Variants in MYO15A observed in about 807,000 individuals in gnomAD.
MYO15A encodes the protein myosin XVA, also known as unconventional myosin-XV.
In MYO15A, 308 loss-of-function variants were observed where a neutral mutation model predicts 394.6. That is an observed-to-expected ratio of 0.78 (90% confidence interval 0.71 to 0.86). MYO15A has a LOEUF of 0.86. Ranked by LOEUF, MYO15A falls within the 40% of genes least tolerant of loss-of-function variation. The probability of loss-of-function intolerance (pLI) is 0.00; values close to 1 mark genes in which losing one functional copy is unlikely to be tolerated. For synonymous variants in MYO15A, 1,957 were observed against 2,003.8 expected (o/e 0.98, Z 0.62); for missense variants, 4,606 against 4,799.1 (o/e 0.96, Z 1.19).
In MYO15A at chr17:18,119,948, G is replaced by GCGT; in HGVS notation, c.1150_1152dup (p.Val384dup). 6.2e-7 allele frequency: 1 copy of GCGT among 1,613,698 alleles called. No homozygotes were observed. The highest frequency in any genetic ancestry group is 8.5e-7 in the Non-Finnish European group (1 of 1,180,010). ...CACTACACCGTCCCCTATGCCGAAG[G>GCGT]CGTCTATGGCGGTGGGGACGAGGCC... On this transcript the variant is annotated inframe_insertion, in exon 2 of 66. Coordinates refer to ENST00000647165, the MANE Select transcript of MYO15A (RefSeq NM_016239.4).
In MYO15A at chr17:18,119,575, C is replaced by A; in HGVS notation, c.775C>A (p.Pro259Thr). 6.2e-7 allele frequency: 1 copy of A among 1,605,920 alleles called. No homozygotes were observed. Among genetic ancestry groups the A allele is most frequent in the Non-Finnish European group, 8.5e-7 (1 of 1,179,948 alleles). Residue 259 changes from proline to threonine, a missense_variant, in exon 2 of 66, where the codon CCC becomes ACC. Transcript: ENST00000647165. ...QSLHRYEEQE[P>T]YLAGLGPYSP... is the part of the protein sequence containing the mutation. ...ACTCCACCGCTACGAGGAGCAGGAACCCTACCTGGCGGGCCTCGGCCCCTA... is the reference window on the plus strand; with the variant it reads ...ACTCCACCGCTACGAGGAGCAGGAAACCTACCTGGCGGGCCTCGGCCCCTA...
intron 1 of MYO15A, among the ~76,000 whole-genome samples, chr17:18,112,409 C>T (rs2955364): frequency 6.6e-6 from 1 of 151,472 alleles, no homozygotes; most frequent in Admixed American, 6.6e-5. Context: ...TTTGGGGGGT[C>T]GTGGGGGACA....
Position 18,144,539 on chromosome 17 carries a change from C to T in MYO15A, c.6220C>T (p.Leu2074Phe), listed in dbSNP as rs752182793. ...GCTGACAGTGCCCCTGAGGACACCC[C>T]TCACGCAGCTGCCAGCCGAGCACCA... ...GMLTVPLRTP[L>F]TQLPAEHHAE... The change falls in exon 29 of 66, where the codon CTC becomes TTC. Residue 2074 changes from leucine (L) to phenylalanine (F), a missense_variant. Around this residue, in one of 2 missense-constraint regions of MYO15A, gnomAD observed 2,776 missense variants for 3,109.3 expected, o/e 0.89. Transcript: ENST00000647165. 3.7e-6 allele frequency: 6 copies of T among 1,613,268 alleles called. No individual in the cohort carries two copies. The highest frequency in any genetic ancestry group is 4.2e-6 in the Non-Finnish European group (5 of 1,180,042).
At chr17:18,146,299 G>C (rs1014368914) in intron 30 of MYO15A, among the ~76,000 whole-genome samples, 192 bp downstream of exon 30, 3 of 152,190 alleles carry the variant, frequency 2.0e-5, no homozygotes, top group African/African-American at 4.8e-5. Context: ...TTCACTGCAG[G>C]GGCTAGGAGT....
intron 62 of MYO15A, among the ~76,000 whole-genome samples, chr17:18,170,018 T>C (rs932107910): frequency 6.1e-5 from 9 of 148,206 alleles, no homozygotes; most frequent in African/African-American, 2.0e-4. Flanking sequence ...GAATTTTACA[T>C]GTTCAAAGCT....
Position 18,157,788 on chromosome 17 carries a change from C to A in MYO15A, c.8855C>A (p.Ala2952Asp). The stretch of plus-strand genomic sequence containing the variant: ...CCTTCGGAGCTGGTGCAGCCCGCTG[C>A]TGCCCCCGACTTCCTGCAGCTGCCA... ...RFPSELVQPA[A>D]APDFLQLPTE... The change falls in exon 51 of 66, where the codon GCT becomes GAT. Residue 2952 changes from alanine to aspartate, a missense_variant. By Grantham distance (126) the Ala-to-Asp change is moderately radical (BLOSUM62 -2). This residue lies in a region of MYO15A where 2,776 missense variants were observed against 3,109.3 expected (regional missense o/e 0.89). Coordinates refer to ENST00000647165, the MANE Select transcript of MYO15A (RefSeq NM_016239.4). The A allele has an allele frequency of 6.2e-7, 1 of 1,603,812 alleles. No individual in the cohort carries two copies. Among genetic ancestry groups the A allele is most frequent in the Non-Finnish European group, 8.5e-7 (1 of 1,179,432 alleles).
chr17:18,122,284 G>C lies in MYO15A; in HGVS notation c.3484G>C (p.Asp1162His), dbSNP rs778519450. 2 of 1,613,072 alleles carry C rather than the reference G, an allele frequency of 1.2e-6. No individual in the cohort carries two copies. Among genetic ancestry groups the C allele is most frequent in the Admixed American group, 3.3e-5 (2 of 60,028 alleles). The change falls in exon 2 of 66, where the codon GAT (aspartate) becomes CAT (histidine). Residue 1162 changes from aspartate to histidine, a missense_variant. Coordinates refer to ENST00000647165, the MANE Select transcript of MYO15A (RefSeq NM_016239.4). ...LRWSCLWLRA[D>H]AYGPWPRVHT... is the part of the protein sequence containing the mutation. ...CTGGTCCTGCCTCTGGCTTCGGGCA[G>C]ATGCCTATGGACCCTGGCCACGAGT...
Position 18,156,998 on chromosome 17 carries a change from C to T in MYO15A, c.8646C>T (p.Asp2882=). The T allele has an allele frequency of 6.2e-7, 1 of 1,614,206 alleles. No individual in the cohort carries two copies. The part of the protein sequence containing the change: ...VVAVRNFLPE[D]PALLAFHKGD... ...CTGTGAGGAACTTCCTGCCTGAGGA[C>T]CCTGCGCTGCTGGCTTTCCACAAGG... The change falls in exon 49 of 66, where the codon GAC becomes GAT. Residue 2882 remains aspartate, a synonymous_variant. Coordinates refer to ENST00000647165, the MANE Select transcript of MYO15A (RefSeq NM_016239.4).
At chr17:18,129,253 C>T (rs925339285) in intron 7 of MYO15A, among the ~76,000 whole-genome samples, 1 of 152,238 alleles carries the variant, frequency 6.6e-6, no homozygotes, top group Non-Finnish European at 1.5e-5. Context: ...AAGGCCTGGA[C>T]CACAGGTTCC....
rs895560774 is a variant in MYO15A at position 18,158,460 on chromosome 17, T to A, written c.8968-63T>A. ...TCAGCTAGGGGTTGCGTTGTCAGTT[T>A]TGACCGAAGGGCTAGGCGTGGTGTG... is the stretch of plus-strand genomic sequence containing the variant. On this transcript the variant is annotated intron_variant, in intron 51 of 65. Transcript: ENST00000647165. 6 of 1,482,372 alleles carry A rather than the reference T, an allele frequency of 4.0e-6. No individual in the cohort carries two copies. The South Asian group carries it at 6.8e-5, about 17-fold the overall frequency. 91.8% of individuals were successfully genotyped at this position (1,482,372 alleles called of 1,614,324 possible).
rs1567651741 is a variant in MYO15A at position 18,150,005 on chromosome 17, GC to G, written c.7213-418del. On this transcript the variant is annotated intron_variant, in intron 35 of 65. Transcript: ENST00000647165. This position sits in a 1 kb window ranked among gnomAD's most constrained non-coding sequence, Gnocchi z 4.4. ...AGAAGTGCACCTTTGGTGGCAGCCA[GC>G]CCCCCGGGGCCACTAAAATATCTCT... The G allele has an allele frequency of 6.8e-6, 2 of 293,266 alleles. No individual in the cohort carries two copies. Among genetic ancestry groups the G allele is most frequent in the Admixed American group, 4.8e-5 (1 of 20,806 alleles). 18.2% of individuals were successfully genotyped at this position (293,266 alleles called of 1,614,324 possible).
At chr17:18,156,423 C>T in intron 48 of MYO15A, 87 bp downstream of exon 48, 3 of 1,457,544 alleles carry the variant, frequency 2.1e-6, no homozygotes, top group Non-Finnish European at 2.8e-6. Context: ...ATGACTGTGT[C>T]CATAGATTTC....
Position 18,179,519 on chromosome 17 carries a change from C to T in MYO15A, c.*649C>T, listed in dbSNP as rs1015125092. On this transcript the variant is annotated 3_prime_UTR_variant, in exon 66 of 66. Coordinates refer to ENST00000647165, the MANE Select transcript of MYO15A (RefSeq NM_016239.4). ...CCATCCCCCACTCCTTGGGTATCCC[C>T]AACCCCAGACCCCCATCACTTGATG... The T allele has an allele frequency of 1.3e-5, 2 of 157,438 alleles. No homozygotes were observed. The highest frequency in any genetic ancestry group is 2.4e-5 in the African/African-American group (1 of 41,494). The allele number at this position is 157,438 out of a possible 1,614,324, so 9.8% of individuals were successfully genotyped here. A position where few individuals can be genotyped will look rare whatever the true frequency, so the allele number is the denominator to read the frequency against.
rs118044888 is a variant in MYO15A at position 18,145,823 on chromosome 17, G to A, written c.6274-49G>A. The A allele has an allele frequency of 0.021, 32,567 of 1,585,112 alleles. 440 individuals are homozygous for A. The highest frequency in any genetic ancestry group is 0.021 in the Non-Finnish European group (24,835 of 1,157,920). On this transcript the variant is annotated intron_variant, in intron 29 of 65. Coordinates refer to ENST00000647165, the MANE Select transcript of MYO15A (RefSeq NM_016239.4). The stretch of plus-strand genomic sequence containing the variant: ...GGATGCATGTTGTGGGGTGGGGACT[G>A]GAAGGAACAACTTTCTGAGATGCCC...
At chr17:18,128,176 G>A (rs535704015) in intron 7 of MYO15A, among the ~76,000 whole-genome samples, 2 of 152,070 alleles carry the variant, frequency 1.3e-5, no homozygotes, top group African/African-American at 4.8e-5. Flanking sequence ...CCAGACATTC[G>A]GTCTGAGCCA....
In MYO15A at chr17:18,121,737, G is replaced by T; in HGVS notation, c.2937G>T (p.Glu979Asp). Residue 979 changes from glutamate (E) to aspartate (D), a missense_variant, in exon 2 of 66, where the codon GAG (glutamate) becomes GAT (aspartate). Around this residue, in one of 2 missense-constraint regions of MYO15A, gnomAD observed 1,830 missense variants for 1,689.7 expected, o/e 1.08. Coordinates refer to ENST00000647165, the MANE Select transcript of MYO15A (RefSeq NM_016239.4). This position sits in a 1 kb window ranked among gnomAD's most constrained non-coding sequence, Gnocchi z 5.3. ...GPVPSPTLQP[E>D]DPAADMTRVF... ...TGCCATCCCCCACCCTCCAGCCTGA[G>T]GATCCAGCTGCTGATATGACCAGGG... is the stretch of plus-strand genomic sequence containing the variant. 1 of 1,601,062 alleles carries T rather than the reference G, an allele frequency of 6.2e-7. No individual in the cohort carries two copies. Among genetic ancestry groups the T allele is most frequent in the African/African-American group, 1.3e-5 (1 of 74,588 alleles).
chr17:18,137,618 T>C lies in MYO15A; in HGVS notation c.4814T>C (p.Ile1605Thr). ...LSFNSFEQLC[I>T]NYANENLQYL... ...TTCAACAGCTTTGAGCAGCTGTGTATTAACTACGCAAACGAGAACCTTCAG... is the reference window on the plus strand; with the variant it reads ...TTCAACAGCTTTGAGCAGCTGTGTACTAACTACGCAAACGAGAACCTTCAG... Residue 1605 changes from isoleucine to threonine, a missense_variant, in exon 16 of 66, where the codon ATT (isoleucine) becomes ACT (threonine). Transcript: ENST00000647165. 6 of 1,614,134 alleles carry C rather than the reference T, an allele frequency of 3.7e-6. No individual in the cohort carries two copies. The highest frequency in any genetic ancestry group is 4.2e-6 in the Non-Finnish European group (5 of 1,180,028).
At position 18,155,268 on chromosome 17, in the gene MYO15A, G is replaced by A. The variant is rs778846413; in HGVS notation, c.8340+43G>A. On this transcript the variant is annotated intron_variant, in intron 46 of 65. Coordinates refer to ENST00000647165, the MANE Select transcript of MYO15A (RefSeq NM_016239.4). ...GCCCCCTACCTGTCCAGAGGATTCAGGGATGAGACAAGAGGATCCTCACAC... is the reference window on the plus strand; with the variant it reads ...GCCCCCTACCTGTCCAGAGGATTCAAGGATGAGACAAGAGGATCCTCACAC... 8 of 1,613,570 alleles carry A rather than the reference G, an allele frequency of 5.0e-6. No individual in the cohort carries two copies. The African/African-American group carries it at 9.3e-5, about 19-fold the overall frequency.
chr17:18,128,128 G>C (rs189431552), intron 7 of MYO15A, among the ~76,000 whole-genome samples: 93 of 152,242 alleles, frequency 6.1e-4, no homozygotes, highest in African/African-American at 2.1e-3. Context: ...AGAGAAGACA[G>C]ACTGGGGTGT....
Sources: allele counts gnomAD v4.1 joint callset (sites outside exome capture counted in the v4.1 genomes callset), GRCh38; gene constraint gnomAD v4.1.1; regional missense constraint gnomAD v4.1.1; non-coding constraint Gnocchi (gnomAD v3.1); transcripts MANE v1.5; gene names NCBI Gene and HGNC (gene_info 2026-07-23, HGNC 2026-07-21).